The following SH3RF3 variants were observed in gnomAD, a reference collection of about 807,000 sequenced individuals.
SH3RF3 encodes the protein SH3 domain containing ring finger 3, also known as E3 ubiquitin-protein ligase SH3RF3.
Under a neutral mutation model 66.3 loss-of-function variants are expected in SH3RF3, and 29 were observed. The ratio of observed to expected loss-of-function variants is 0.44; its 90% CI spans 0.33 to 0.60. The LOEUF (loss-of-function observed/expected upper bound fraction) is 0.60. SH3RF3 is among the 20% of genes least tolerant of loss of function. SH3RF3 has a pLI of 0.04. For missense variants in SH3RF3, 1,194 were observed against 1,190.9 expected (o/e 1.00, Z -0.04); for synonymous variants, 583 against 532.0 (o/e 1.10, Z -1.32).
At chr2:109,418,515 C>G (rs1676784589) in intron 4 of SH3RF3, among the ~76,000 whole-genome samples, 1 of 152,164 alleles carries the variant, frequency 6.6e-6, no homozygotes, top group South Asian at 2.1e-4. Flanking sequence ...GGATGCATCA[C>G]TCCTGTCACT....
intron 8 of SH3RF3, among the ~76,000 whole-genome samples, chr2:109,464,640 C>CT (rs1055142888): frequency 9.2e-5 from 14 of 152,144 alleles, no homozygotes; most frequent in Non-Finnish European, 5.9e-5. Context: ...CCTTCCAAGA[C>CT]TTTTTTTAAA....
chr2:109,411,519 A>C (rs557653269), intron 4 of SH3RF3, among the ~76,000 whole-genome samples: 1 of 152,164 alleles, frequency 6.6e-6, no homozygotes, highest in East Asian at 1.9e-4. Flanking sequence ...GCTCGTTTGC[A>C]TCCGTAGCAA....
At chr2:109,368,719 A>AAAG (rs1385187550) in intron 2 of SH3RF3, among the ~76,000 whole-genome samples, 3 of 149,896 alleles carry the variant, frequency 2.0e-5, no homozygotes, top group Admixed American at 6.6e-5. Context: ...AAAAAAAAAA[A>AAAG]AAAAGAAAAA....
intron 5 of SH3RF3, among the ~76,000 whole-genome samples, chr2:109,422,074 C>T (rs564087669): frequency 2.6e-5 from 4 of 152,348 alleles, no homozygotes; most frequent in South Asian, 4.1e-4. Context: ...CATACCCTAC[C>T]AGTGGCAAGT....
chr2:109,400,527 G>C lies in SH3RF3; in HGVS notation c.1299+1584G>C, dbSNP rs117754253. Among the ~76,000 whole-genome samples, 83 of 151,256 alleles carry C rather than the reference G, an allele frequency of 5.5e-4. 3 individuals are homozygous for C. The East Asian group carries it at 0.016, about 28-fold the overall frequency. ...CATACACCCCTCCAGGTGCACACCT[G>C]CAGATACACATGCACACACACGTAC... On this transcript the variant is annotated intron_variant, in intron 4 of 9. Transcript: ENST00000309415.
At chr2:109,424,051 G>C (rs1427605501) in intron 5 of SH3RF3, among the ~76,000 whole-genome samples, 1 of 152,198 alleles carries the variant, frequency 6.6e-6, no homozygotes, top group African/African-American at 2.4e-5. Context: ...GGCCCTGGTG[G>C]TGGCAGCACA....
rs996006582 is a variant in SH3RF3, at chr2:109,490,729, G to T, written c.2273G>T (p.Gly758Val). Residue 758 changes from glycine to valine, a missense_variant, in exon 9 of 10, where the codon GGT becomes GTT. Physicochemically the swap from Gly to Val is moderately radical, Grantham distance 109. Transcript: ENST00000309415. ...PQVAVDALLQ[G>V]AVGPEVSSLS... ...GTGGCCGTGGACGCCCTGCTCCAAG[G>T]TGCAGTGGGCCCCGAAGTGTCCTCA... 4.4e-5 allele frequency: 67 copies of T among 1,535,906 alleles called. No individual in the cohort carries two copies. The highest frequency in any genetic ancestry group is 5.5e-5 in the Non-Finnish European group (63 of 1,146,094).
rs370530497 is a variant in SH3RF3, at chr2:109,415,639, C to T, written c.1300-3900C>T. 2.6e-4 allele frequency among the ~76,000 whole-genome samples: 39 copies of T among 152,220 alleles called. No individual in the cohort carries two copies. In the South Asian group the frequency reaches 5.4e-3, roughly 21 times the overall value. On this transcript the variant is annotated intron_variant, in intron 4 of 9. Transcript: ENST00000309415. ...CTTCTCCCTGCCTGTCCTCCAGGGA[C>T]GCCGTGCCCTCAGACTGAAGACCAG...
At chr2:109,499,852 C>CTTAT (rs1558648185) in intron 9 of SH3RF3, among the ~76,000 whole-genome samples, 1 of 152,166 alleles carries the variant, frequency 6.6e-6, no homozygotes. Context: ...GGCAACATAA[C>CTTAT]TGACATTTGC....
chr2:109,211,710 T>A (rs909861838), intron 1 of SH3RF3, among the ~76,000 whole-genome samples: 28 of 150,856 alleles, frequency 1.9e-4, no homozygotes, highest in Non-Finnish European at 3.1e-4. Flanking sequence ...AATGGTGCAA[T>A]CTTGGCTCAC....
chr2:109,425,700 A>AAG, intron 5 of SH3RF3, among the ~76,000 whole-genome samples: 1 of 151,776 alleles, frequency 6.6e-6, no homozygotes, highest in South Asian at 2.1e-4. Context: ...ACTGCTCAGA[A>AAG]AAAAAAGATT....
chr2:109,335,547 C>A (rs561435491), intron 1 of SH3RF3, among the ~76,000 whole-genome samples: 3 of 152,202 alleles, frequency 2.0e-5, no homozygotes, highest in African/African-American at 7.2e-5. Context: ...TCACCCTATC[C>A]CCATCCCAGT....
At chr2:109,194,580 G>A (rs907213309) in intron 1 of SH3RF3, among the ~76,000 whole-genome samples, 1 of 152,224 alleles carries the variant, frequency 6.6e-6, no homozygotes, top group Non-Finnish European at 1.5e-5. Flanking sequence ...CCCGGCGGGC[G>A]GGCTGGGTAG....
intron 3 of SH3RF3, among the ~76,000 whole-genome samples, chr2:109,372,810 G>A (rs1464137498): frequency 1.3e-5 from 2 of 152,172 alleles, no homozygotes; most frequent in Non-Finnish European, 2.9e-5. Flanking sequence ...ACACACTTAA[G>A]GGCTTCAGAG....
In SH3RF3 at chr2:109,241,422, A is replaced by T. The variant is rs569199335; in HGVS notation, c.574-106252A>T. ...TATGGGTATAGATGCATTGGGGGAA[A>T]AAATGGCTGGAAGAAATACTTTAGG... On this transcript the variant is annotated intron_variant, in intron 1 of 9. Transcript: ENST00000309415. Among the ~76,000 whole-genome samples, 6 of 152,362 alleles carry T rather than the reference A, an allele frequency of 3.9e-5. No homozygotes were observed. In the East Asian group the frequency reaches 9.6e-4, roughly 24 times the overall value.
At chr2:109,369,794 C>T (rs1471883074) in intron 2 of SH3RF3, among the ~76,000 whole-genome samples, 1 of 152,230 alleles carries the variant, frequency 6.6e-6, no homozygotes, top group Admixed American at 6.5e-5. Context: ...CTACGGCCCC[C>T]TCCGCTCCCG....
At position 109,342,142 on chromosome 2, in the gene SH3RF3, G is replaced by A. The variant is rs1682568829; in HGVS notation, c.574-5532G>A. Among the ~76,000 whole-genome samples the A allele has an allele frequency of 2.6e-5, 4 of 152,200 alleles. No individual in the cohort carries two copies. In the South Asian group the frequency reaches 8.3e-4, roughly 31 times the overall value. On this transcript the variant is annotated intron_variant, in intron 1 of 9. Transcript: ENST00000309415. ...ACTCTGTGTCCATCTATAACTCTGG[G>A]CCTTTGCATGGGCTGAGCCCCTGGC...
intron 1 of SH3RF3, among the ~76,000 whole-genome samples, chr2:109,328,005 T>C (rs1332706704): frequency 6.6e-6 from 1 of 152,254 alleles, no homozygotes; most frequent in African/African-American, 2.4e-5. Context: ...GTGCCAAGCT[T>C]ATTCCATATG....
chr2:109,234,795 T>A (rs1053027295), intron 1 of SH3RF3, among the ~76,000 whole-genome samples: 7 of 152,172 alleles, frequency 4.6e-5, no homozygotes, highest in Non-Finnish European at 8.8e-5. Flanking sequence ...ACACCTGACT[T>A]CCTGGGGAAA....
Sources: gnomAD v4.1 joint callset for allele counts (sites outside exome capture counted in the v4.1 genomes callset) on GRCh38, gnomAD v4.1.1 for gene constraint, MANE v1.5 for transcripts, NCBI Gene and HGNC (gene_info 2026-07-23, HGNC 2026-07-21) for gene names.